SHOC1: variants seen among roughly 807,000 people sequenced by gnomAD.
SHOC1 encodes shortage in chiasmata 1, also known as protein shortage in chiasmata 1 ortholog.
In SHOC1, 136 loss-of-function variants were observed where a neutral mutation model predicts 179.2. That is an observed-to-expected ratio of 0.76 (90% CI 0.66 to 0.87). SHOC1 has a LOEUF of 0.87. SHOC1 is among the 40% of genes least tolerant of loss of function. SHOC1 has a pLI of 0.00. For synonymous variants in SHOC1, 489 were observed against 586.6 expected, an observed-to-expected ratio of 0.83 and a Z score of 2.41; for missense variants, 1,538 against 1,700.8, an observed-to-expected ratio of 0.90 and a Z score of 1.68.
At chr9:111,739,161 A>T (rs1833928655) in intron 11 of SHOC1, among the ~76,000 whole-genome samples, 1 of 152,072 alleles carries the variant, frequency 6.6e-6, no homozygotes, top group Non-Finnish European at 1.5e-5. Flanking sequence ...ATTAAAACTT[A>T]AAAATACTAA....
At chr9:111,745,725 G>A (rs559107455) in intron 10 of SHOC1, among the ~76,000 whole-genome samples, 30 of 152,264 alleles carry the variant, frequency 2.0e-4, no homozygotes, top group Admixed American at 4.6e-4. Flanking sequence ...TATTGTTTAA[G>A]TCATCTAATC....
intron 10 of SHOC1, among the ~76,000 whole-genome samples, chr9:111,744,462 A>G (rs1834177893): frequency 6.6e-6 from 1 of 152,204 alleles, no homozygotes; most frequent in Non-Finnish European, 1.5e-5. Context: ...TAGGGCCCTC[A>G]GTCTTATGCT....
At position 111,692,436 on chromosome 9, in the gene SHOC1, G is replaced by A; in HGVS notation, c.3541C>T (p.Gln1181Ter). 2 of 1,610,912 alleles carry A rather than the reference G, an allele frequency of 1.2e-6. No homozygotes were observed. The highest frequency in any genetic ancestry group is 2.2e-5 in the East Asian group (1 of 44,778). Reference protein sequence around the residue: ...ITKSPQISSPQENRNQISTLS... With the variant: ...ITKSPQISSP Reference sequence around the variant, plus strand: ...GTACTAATCTGATTCCTATTTTCCTGAGGTGACGAAATTTGCGGTGATTTT... The same window carrying A: ...GTACTAATCTGATTCCTATTTTCCTAAGGTGACGAAATTTGCGGTGATTTT... Residue 1181 changes from glutamine to a stop codon, truncating the protein, a stop_gained, in exon 27 of 28, where the codon CAG becomes TAG. Transcript: ENST00000682961. LOFTEE classifies it high-confidence loss of function.
intron 18 of SHOC1, among the ~76,000 whole-genome samples, chr9:111,712,503 C>A (rs950822818): frequency 2.6e-5 from 4 of 151,962 alleles, no homozygotes; most frequent in Non-Finnish European, 4.4e-5. Flanking sequence ...TAGTATCATG[C>A]GGAGAAAGTT....
At chr9:111,754,861 A>G (rs2131553832) in intron 8 of SHOC1, among the ~76,000 whole-genome samples, 1 of 151,460 alleles carries the variant, frequency 6.6e-6, no homozygotes, top group East Asian at 1.9e-4. Flanking sequence ...GACATATTAT[A>G]TGATTCCTTT....
intron 24 of SHOC1, among the ~76,000 whole-genome samples, chr9:111,695,038 C>T (rs561816599): frequency 6.6e-6 from 1 of 152,126 alleles, no homozygotes; most frequent in Admixed American, 6.5e-5. Flanking sequence ...TCATAATATC[C>T]TCTGTTTCCT....
intron 5 of SHOC1, 128 bp downstream of exon 5, chr9:111,775,663 A>C (rs1209244720): frequency 1.5e-6 from 1 of 654,886 alleles, no homozygotes; most frequent in African/African-American, 1.9e-5. Flanking sequence ...AATGTGGCAA[A>C]GCTTAGAGTT....
chr9:111,741,756 C>G (rs1046375918), intron 10 of SHOC1, among the ~76,000 whole-genome samples, 186 bp from the exon 11 acceptor site: 1 of 151,988 alleles, frequency 6.6e-6, no homozygotes, highest in African/African-American at 2.4e-5. Context: ...CTCAGGCTCC[C>G]GAGCAGCTGG....
At chr9:111,742,133 T>C (rs1460401143) in intron 10 of SHOC1, among the ~76,000 whole-genome samples, 1 of 152,152 alleles carries the variant, frequency 6.6e-6, no homozygotes, top group Non-Finnish European at 1.5e-5. Context: ...CTCCCACCTC[T>C]ACCTCCCTCA....
intron 5 of SHOC1, among the ~76,000 whole-genome samples, chr9:111,768,469 T>G (rs1016718990): frequency 6.6e-6 from 1 of 152,220 alleles, no homozygotes; most frequent in Non-Finnish European, 1.5e-5. Context: ...TCCACCCACC[T>G]TGGCCTCCCA....
At chr9:111,690,719 A>G (rs1209696872) in intron 27 of SHOC1, among the ~76,000 whole-genome samples, 1 of 152,224 alleles carries the variant, frequency 6.6e-6, no homozygotes, top group Non-Finnish European at 1.5e-5. Context: ...GAGGAACAAA[A>G]CAAGTTGTAA....
intron 5 of SHOC1, among the ~76,000 whole-genome samples, chr9:111,765,752 C>A (rs1330477236): frequency 6.6e-6 from 1 of 151,848 alleles, no homozygotes; most frequent in Admixed American, 6.6e-5. Flanking sequence ...CTCACTCTGT[C>A]ACCCAGGCTA....
chr9:111,739,880 C>G (rs975010397), intron 11 of SHOC1, among the ~76,000 whole-genome samples: 1 of 142,114 alleles, frequency 7.0e-6, no homozygotes, highest in Non-Finnish European at 1.5e-5. Context: ...CTTTGAAGCA[C>G]GAGTTGAAGT....
chr9:111,755,739 A>T (rs1174706186), intron 8 of SHOC1, among the ~76,000 whole-genome samples: 2 of 152,184 alleles, frequency 1.3e-5, no homozygotes, highest in African/African-American at 4.8e-5. Context: ...CTCTTCAAAA[A>T]TTTGTATAGT....
chr9:111,702,169 C>A lies in SHOC1; in HGVS notation c.3025G>T (p.Ala1009Ser). 1 of 1,474,912 alleles carries A rather than the reference C, an allele frequency of 6.8e-7. No individual in the cohort carries two copies. The highest frequency in any genetic ancestry group is 9.5e-7 in the Non-Finnish European group (1 of 1,056,620). The allele number at this position is 1,474,912 out of a possible 1,614,324, so 91.4% of individuals were successfully genotyped here. ...CAATATCTGTACTGTAATGATAATG[C>A]CATCAGCCTCATAATGATATTGTCT... Reference protein sequence around the residue: ...ASDNIIMRLMALSLQYRYCWI... With the variant: ...ASDNIIMRLMSLSLQYRYCWI... The change falls in exon 23 of 28, where the codon GCA becomes TCA. Residue 1009 changes from alanine (A) to serine (S), a missense_variant. Physicochemically the swap from Ala to Ser is moderately conservative, Grantham distance 99. Transcript: ENST00000682961.
chr9:111,725,173 A>G (rs1006653132), intron 13 of SHOC1, among the ~76,000 whole-genome samples: 2 of 152,214 alleles, frequency 1.3e-5, no homozygotes, highest in African/African-American at 4.8e-5. Context: ...TTTTCAAGTA[A>G]TACTTTCAAT....
chr9:111,746,163 T>C, intron 10 of SHOC1, 71 bp downstream of exon 10: 1 of 1,024,162 alleles, frequency 9.8e-7, no homozygotes, highest in Non-Finnish European at 1.5e-6. Flanking sequence ...ATTGCTTTTA[T>C]ATGGAGAGAT....
intron 5 of SHOC1, among the ~76,000 whole-genome samples, chr9:111,761,579 G>T (rs1038795989): frequency 6.6e-6 from 1 of 151,970 alleles, no homozygotes; most frequent in African/African-American, 2.4e-5. Context: ...AATTAAGAAA[G>T]AATTTTCTAA....
intron 3 of SHOC1, among the ~76,000 whole-genome samples, chr9:111,784,598 C>T (rs919581989): frequency 6.6e-6 from 1 of 152,160 alleles, no homozygotes; most frequent in African/African-American, 2.4e-5. Context: ...TATATCATTC[C>T]CTTTCTTAAA....
Sources: allele counts gnomAD v4.1 joint callset (sites outside exome capture counted in the v4.1 genomes callset), GRCh38; gene constraint gnomAD v4.1.1; transcripts MANE v1.5; gene names NCBI Gene and HGNC (gene_info 2026-07-23, HGNC 2026-07-21).